The following AGBL4 variants were observed in gnomAD, a reference collection of about 807,000 sequenced individuals.
AGBL4 encodes the protein cytosolic carboxypeptidase 6.
A neutral mutation model predicts 66.4 loss-of-function variants in AGBL4; 58 were observed. The observed-to-expected ratio is 0.87, with a 90% CI of 0.71 to 1.09. AGBL4 has a LOEUF of 1.09. Ranked by LOEUF, AGBL4 falls within the 50% of genes least tolerant of loss-of-function variation. The probability of loss-of-function intolerance (pLI) is 0.00; values close to 1 mark genes in which losing one functional copy is unlikely to be tolerated. For synonymous variants in AGBL4, 234 were observed against 222.9 expected, an observed-to-expected ratio of 1.05 and a Z score of -0.44; for missense variants, 579 against 631.0, an observed-to-expected ratio of 0.92 and a Z score of 0.88.
intron 3 of AGBL4, among the ~76,000 whole-genome samples, chr1:49,625,874 T>C (rs1407019882): frequency 6.6e-6 from 1 of 152,124 alleles, no homozygotes; most frequent in African/African-American, 2.4e-5. Context: ...AAGGGCCATG[T>C]AGAGGTATTT....
At chr1:49,155,731 C>T (rs1924645) in intron 4 of AGBL4, among the ~76,000 whole-genome samples, 66,112 of 151,940 alleles carry the variant, frequency 0.44, 16,867 homozygotes, top group Non-Finnish European at 0.58. Context: ...AATAAGGTGG[C>T]CATGACAGGA....
chr1:49,825,284 AT>A (rs1403078536), intron 2 of AGBL4, among the ~76,000 whole-genome samples: 4 of 152,176 alleles, frequency 2.6e-5, no homozygotes, highest in Non-Finnish European at 5.9e-5. Context: ...TCTTATTTCT[AT>A]TCCATGAAAA....
intron 3 of AGBL4, among the ~76,000 whole-genome samples, chr1:49,600,740 G>T (rs1644941463): frequency 6.6e-6 from 1 of 152,172 alleles, no homozygotes; most frequent in South Asian, 2.1e-4. Flanking sequence ...TTTTGCAGTT[G>T]CTGCTACCAG....
In AGBL4 at chr1:48,663,234, G is replaced by C; in HGVS notation, c.642C>G (p.Leu214=). The C allele has an allele frequency of 6.2e-7, 1 of 1,613,896 alleles. No homozygotes were observed. Among genetic ancestry groups the C allele is most frequent in the Non-Finnish European group, 8.5e-7 (1 of 1,179,848 alleles). ...CCACCTTCTGCTCTGCCCCTTCCCGGAGATTGTCTGTAAGATAAAATGAAA... is the reference window on the plus strand; with the variant it reads ...CCACCTTCTGCTCTGCCCCTTCCCGCAGATTGTCTGTAAGATAAAATGAAA... ...DLLTITSPDN[L]REGAEQKVVF... Residue 214 remains leucine (L), a synonymous_variant, in exon 7 of 14, where the codon CTC becomes CTG. Coordinates refer to ENST00000371839, the MANE Select transcript of AGBL4 (RefSeq NM_032785.4).
At chr1:49,687,725 A>T (rs1646813158) in intron 3 of AGBL4, among the ~76,000 whole-genome samples, 1 of 152,124 alleles carries the variant, frequency 6.6e-6, no homozygotes, top group African/African-American at 2.4e-5. Flanking sequence ...CAGTGAGCCA[A>T]GATCATGCCA....
At chr1:48,950,119 A>G (rs1365065195) in intron 5 of AGBL4, among the ~76,000 whole-genome samples, 1 of 152,136 alleles carries the variant, frequency 6.6e-6, no homozygotes, top group Non-Finnish European at 1.5e-5. Flanking sequence ...TATTTTTGAG[A>G]CATGTCTCAC....
chr1:49,626,005 A>G (rs1396208854), intron 3 of AGBL4, among the ~76,000 whole-genome samples: 1 of 152,208 alleles, frequency 6.6e-6, no homozygotes, highest in East Asian at 1.9e-4. Context: ...AGAGGATAAC[A>G]GAAAACACTA....
intron 4 of AGBL4, among the ~76,000 whole-genome samples, chr1:49,194,225 T>C (rs1230142309): frequency 2.0e-5 from 3 of 152,186 alleles, no homozygotes; most frequent in Admixed American, 6.5e-5. Flanking sequence ...TTAGGGTTGT[T>C]ATATTCTGTT....
intron 9 of AGBL4, among the ~76,000 whole-genome samples, chr1:48,608,850 A>C (rs1377777379): frequency 2.6e-5 from 4 of 152,204 alleles, no homozygotes; most frequent in Non-Finnish European, 5.9e-5. Context: ...CACCCGAGAG[A>C]TCAATAGCTA....
chr1:49,535,591 A>G (rs2148818391), intron 3 of AGBL4, among the ~76,000 whole-genome samples: 1 of 152,168 alleles, frequency 6.6e-6, no homozygotes, highest in East Asian at 1.9e-4. Flanking sequence ...TATAAAATAT[A>G]TAACAAATAA....
chr1:48,744,585 T>C lies in AGBL4; in HGVS notation c.635-81344A>G, dbSNP rs535641705. 5.9e-5 allele frequency among the ~76,000 whole-genome samples: 9 copies of C among 152,312 alleles called. No homozygotes were observed. In the South Asian group the frequency reaches 1.2e-3, roughly 21 times the overall value. Reference sequence around the variant, plus strand: ...TTTTAGCAAGAACATGTCTTTCCTCTAAAGCCTCCTTTTCCTTCCATGAGA... The same window carrying C: ...TTTTAGCAAGAACATGTCTTTCCTCCAAAGCCTCCTTTTCCTTCCATGAGA... On this transcript the variant is annotated intron_variant, in intron 6 of 13. Coordinates refer to ENST00000371839, the MANE Select transcript of AGBL4 (RefSeq NM_032785.4).
intron 3 of AGBL4, among the ~76,000 whole-genome samples, chr1:49,676,788 G>C (rs1423719019): frequency 6.6e-6 from 1 of 152,124 alleles, no homozygotes; most frequent in Non-Finnish European, 1.5e-5. Context: ...TTTGTACATA[G>C]AGGGGCGATA....
intron 3 of AGBL4, among the ~76,000 whole-genome samples, chr1:49,415,141 C>A (rs1645399427): frequency 6.6e-6 from 1 of 152,126 alleles, no homozygotes; most frequent in African/African-American, 2.4e-5. Flanking sequence ...AGCCCAAGGA[C>A]TGTCTCTGTC....
At chr1:49,401,602 T>A (rs1645087423) in intron 3 of AGBL4, among the ~76,000 whole-genome samples, 1 of 152,172 alleles carries the variant, frequency 6.6e-6, no homozygotes, top group Admixed American at 6.6e-5. Context: ...TGGTTGAAAA[T>A]TTTTGCATCA....
chr1:48,812,650 C>T (rs960668529), intron 6 of AGBL4, among the ~76,000 whole-genome samples: 1 of 152,170 alleles, frequency 6.6e-6, no homozygotes, highest in Non-Finnish European at 1.5e-5. Flanking sequence ...GCTATAAAGA[C>T]ACATGCACAC....
In AGBL4 at chr1:48,594,660, A is replaced by C. The variant is rs536554322; in HGVS notation, c.952-3675T>G. ...CTTCCATTTTATTATTTTGTTGTTT[A>C]GTTTTCAATGTTTTGTTTCAGTTTC... is the stretch of plus-strand genomic sequence containing the variant. On this transcript the variant is annotated intron_variant, in intron 9 of 13. Transcript: ENST00000371839. Among the ~76,000 whole-genome samples, 5 of 152,098 alleles carry C rather than the reference A, an allele frequency of 3.3e-5. No homozygotes were observed. The South Asian group carries it at 1.0e-3, about 32-fold the overall frequency.
At chr1:49,681,459 C>T (rs1436331270) in intron 3 of AGBL4, among the ~76,000 whole-genome samples, 6 of 152,096 alleles carry the variant, frequency 3.9e-5, no homozygotes, top group Admixed American at 6.5e-5. Context: ...GATGAAGGGA[C>T]CATGTTACTG....
intron 5 of AGBL4, among the ~76,000 whole-genome samples, chr1:48,989,088 G>C (rs1345024078): frequency 1.3e-5 from 2 of 152,108 alleles, no homozygotes; most frequent in East Asian, 3.9e-4. Flanking sequence ...ACTTCGTCAG[G>C]GCCCTGGCTT....
intron 4 of AGBL4, among the ~76,000 whole-genome samples, chr1:49,209,106 C>T (rs879805439): frequency 5.3e-5 from 8 of 152,108 alleles, no homozygotes; most frequent in Non-Finnish European, 1.2e-4. Flanking sequence ...AGCACTAACA[C>T]ATATATTCCA....
Sources: allele counts gnomAD v4.1 joint callset (sites outside exome capture counted in the v4.1 genomes callset), GRCh38; gene constraint gnomAD v4.1.1; transcripts MANE v1.5; gene names NCBI Gene and HGNC (gene_info 2026-07-23, HGNC 2026-07-21).